PPP4R3B: variants seen among roughly 807,000 people sequenced by gnomAD.
PPP4R3B encodes serine/threonine-protein phosphatase 4 regulatory subunit 3B.
PPP4R3B carries 52 observed loss-of-function variants against 95.4 expected under a neutral mutation model. The ratio of observed to expected loss-of-function variants is 0.54; its 90% confidence interval spans 0.44 to 0.69. PPP4R3B has a LOEUF of 0.69. PPP4R3B is among the 30% of genes least tolerant of loss of function. The pLI is 0.00. For synonymous variants in PPP4R3B, 407 were observed against 343.9 expected (o/e 1.18, Z -2.03); for missense variants, 1,003 against 1,005.9 (o/e 1.00, Z 0.04).
rs1054952226 is a variant in PPP4R3B at position 55,586,242 on chromosome 2, C to G, written c.1116+376G>C. ...ATAAAGTAAATACCAATAGATAAAA[C>G]TCATATAAACAAAACTCTAAGAACC... On this transcript the variant is annotated intron_variant, in intron 6 of 16. Coordinates refer to ENST00000616407, the MANE Select transcript of PPP4R3B (RefSeq NM_001122964.3). Among the ~76,000 whole-genome samples the G allele has an allele frequency of 2.0e-5, 3 of 151,968 alleles. No individual in the cohort carries two copies. The East Asian group carries it at 5.8e-4, about 29-fold the overall frequency.
At chr2:55,616,404 TTCAAA>T (rs1694931555) in intron 1 of PPP4R3B, 1 of 152,230 alleles carries the variant, frequency 6.6e-6, no homozygotes, top group African/African-American at 2.4e-5. Context: ...ATATCAGTTG[TTCAAA>T]TCAAGTCCAG....
rs186169012 is a variant in PPP4R3B at position 55,602,639 on chromosome 2, T to C, written c.297+1339A>G. Among the ~76,000 whole-genome samples, 7 of 152,338 alleles carry C rather than the reference T, an allele frequency of 4.6e-5. No homozygotes were observed. The East Asian group carries it at 1.3e-3, about 29-fold the overall frequency. The stretch of plus-strand genomic sequence containing the variant: ...CGAAGGTTTGGGTAAACTTAACTAG[T>C]TGGCAATACTGAATGTATGCTGCCA... On this transcript the variant is annotated intron_variant, in intron 3 of 16. Transcript: ENST00000616407.
chr2:55,590,045 G>A (rs1318351241), intron 4 of PPP4R3B, among the ~76,000 whole-genome samples: 1 of 145,366 alleles, frequency 6.9e-6, no homozygotes, highest in Non-Finnish European at 1.5e-5. Flanking sequence ...ATAAATTTGT[G>A]GGCCAGGTGT....
At chr2:55,562,689 G>C (rs1290035417) in intron 15 of PPP4R3B, among the ~76,000 whole-genome samples, 1 of 152,262 alleles carries the variant, frequency 6.6e-6, no homozygotes, top group East Asian at 1.9e-4. Context: ...TTATTAGCTA[G>C]AATCTTAGAA....
chr2:55,551,309 G>T (rs1685216604), intron 16 of PPP4R3B, among the ~76,000 whole-genome samples: 1 of 152,042 alleles, frequency 6.6e-6, no homozygotes, highest in Non-Finnish European at 1.5e-5. Flanking sequence ...CTGCACTCTA[G>T]CCTGGGCAAC....
chr2:55,578,668 C>G (rs762506431), intron 9 of PPP4R3B, among the ~76,000 whole-genome samples: 1 of 152,024 alleles, frequency 6.6e-6, no homozygotes, highest in African/African-American at 2.4e-5. Context: ...CAGCAACATT[C>G]TTGTACCTGT....
At chr2:55,607,080 C>T (rs1011905963) in intron 2 of PPP4R3B, among the ~76,000 whole-genome samples, 18 of 152,214 alleles carry the variant, frequency 1.2e-4, no homozygotes, top group South Asian at 1.0e-3. Flanking sequence ...CAGTTATCTC[C>T]ACATATAGGC....
At chr2:55,581,309 A>C (rs1689413906) in intron 8 of PPP4R3B, among the ~76,000 whole-genome samples, 1 of 152,236 alleles carries the variant, frequency 6.6e-6, no homozygotes, top group South Asian at 2.1e-4. Flanking sequence ...TGTTAAGTAT[A>C]ATCACATTGC....
intron 4 of PPP4R3B, among the ~76,000 whole-genome samples, chr2:55,595,280 C>T (rs1480903609): frequency 6.6e-6 from 1 of 151,814 alleles, no homozygotes; most frequent in African/African-American, 2.4e-5. Flanking sequence ...TGGCCTTGGC[C>T]TCCCAAAGTG....
In PPP4R3B at chr2:55,560,496, G is replaced by A. The variant is rs185444242; in HGVS notation, c.2261-1528C>T. Among the ~76,000 whole-genome samples, 33 of 152,152 alleles carry A rather than the reference G, an allele frequency of 2.2e-4. No homozygotes were observed. The East Asian group carries it at 6.0e-3, about 28-fold the overall frequency. ...CAGCAAAGCATTCAAGTGGTGGCCTGGGCTGGGCACAGTGGCTCATGCCTG... is the reference window on the plus strand; with the variant it reads ...CAGCAAAGCATTCAAGTGGTGGCCTAGGCTGGGCACAGTGGCTCATGCCTG... On this transcript the variant is annotated intron_variant, in intron 15 of 16. Transcript: ENST00000616407.
intron 1 of PPP4R3B, 133 bp downstream of exon 1, chr2:55,617,011 G>A: frequency 4.9e-6 from 5 of 1,016,576 alleles, no homozygotes; most frequent in South Asian, 1.8e-5. Context: ...TGTTTTTGCC[G>A]TACACAAGAG....
chr2:55,549,833 T>A lies in PPP4R3B; in HGVS notation c.*78A>T. 1 of 1,087,762 alleles carries A rather than the reference T, an allele frequency of 9.2e-7. No homozygotes were observed. Among genetic ancestry groups the A allele is most frequent in the Admixed American group, 1.7e-5 (1 of 57,262 alleles). The allele number at this position is 1,087,762 out of a possible 1,614,324, so 67.4% of individuals were successfully genotyped here. On this transcript the variant is annotated 3_prime_UTR_variant, in exon 17 of 17. Transcript: ENST00000616407. ...ATTTTATAAGTTCAATTGAGAAAGCTTTCTGATTCAGATTTTCAGCTCACT... is the reference window on the plus strand; with the variant it reads ...ATTTTATAAGTTCAATTGAGAAAGCATTCTGATTCAGATTTTCAGCTCACT...
At chr2:55,606,283 T>A (rs1572721892) in intron 2 of PPP4R3B, among the ~76,000 whole-genome samples, 1 of 152,304 alleles carries the variant, frequency 6.6e-6, no homozygotes, top group East Asian at 1.9e-4. Flanking sequence ...GCAAAATTTT[T>A]AAATGTTTGA....
chr2:55,598,906 T>G lies in PPP4R3B; in HGVS notation c.431A>C (p.Glu144Ala), dbSNP rs1692176778. The G allele has an allele frequency of 2.5e-6, 4 of 1,614,164 alleles. No individual in the cohort carries two copies. Among genetic ancestry groups the G allele is most frequent in the Middle Eastern group, 1.6e-4 (1 of 6,062 alleles). ...LPTCELNKLE[E>A]IADLVTSVLS... ...CACTGAGGTAACTAAGTCAGCAATC[T>G]CTTCAAGTTTATTGAGTTCACATGT... The change falls in exon 4 of 17, where the codon GAG becomes GCG. Residue 144 changes from glutamate (E) to alanine (A), a missense_variant. Physicochemically the swap from Glu to Ala is moderately radical, Grantham distance 107. Around this residue, in one of 3 missense-constraint regions of PPP4R3B, gnomAD observed 695 missense variants for 686.2 expected, o/e 1.01. Transcript: ENST00000616407.
chr2:55,602,254 CTG>C (rs1180905842), intron 3 of PPP4R3B, among the ~76,000 whole-genome samples: 4 of 152,166 alleles, frequency 2.6e-5, no homozygotes, highest in African/African-American at 9.7e-5. Context: ...ATTTCTCTGT[CTG>C]TGATATAAAT....
At chr2:55,609,368 T>C (rs1693853958) in intron 2 of PPP4R3B, among the ~76,000 whole-genome samples, 1 of 152,170 alleles carries the variant, frequency 6.6e-6, no homozygotes, top group Non-Finnish European at 1.5e-5. Flanking sequence ...CCTATCTCTA[T>C]TCCCAGATGT....
chr2:55,598,884 T>A lies in PPP4R3B; in HGVS notation c.453A>T (p.Ser151=), dbSNP rs773894498. Residue 151 remains serine (S), a synonymous_variant, in exon 4 of 17, where the codon TCA becomes TCT. Transcript: ENST00000616407. ...KLEEIADLVT[S]VLSSPIRREK... ...CCCTACGGATAGGTGAGGAGAGCAC[T>A]GAGGTAACTAAGTCAGCAATCTCTT... 1.5e-5 allele frequency: 24 copies of A among 1,614,202 alleles called. No individual in the cohort carries two copies. Among genetic ancestry groups the A allele is most frequent in the Non-Finnish European group, 2.0e-5 (24 of 1,180,024 alleles).
intron 16 of PPP4R3B, among the ~76,000 whole-genome samples, chr2:55,557,731 G>A (rs948139153): frequency 2.0e-5 from 3 of 151,836 alleles, no homozygotes; most frequent in South Asian, 4.1e-4. Context: ...GTACTACCAC[G>A]GTGTTTCTGC....
chr2:55,595,029 T>TC (rs1390165037), intron 4 of PPP4R3B, among the ~76,000 whole-genome samples: 1 of 150,506 alleles, frequency 6.6e-6, no homozygotes, highest in African/African-American at 2.4e-5. Flanking sequence ...TTTTAAACTT[T>TC]TTTTTTTTTT....
Sources: gnomAD v4.1 joint callset for allele counts (sites outside exome capture counted in the v4.1 genomes callset) on GRCh38, gnomAD v4.1.1 for gene constraint, gnomAD v4.1.1 regional missense constraint, MANE v1.5 for transcripts, NCBI Gene and HGNC (gene_info 2026-07-23, HGNC 2026-07-21) for gene names.